The following MCM9 variants were observed in gnomAD, a reference collection of about 807,000 sequenced individuals.
MCM9 encodes the protein DNA helicase MCM9.
A neutral mutation model predicts 72.8 loss-of-function variants in MCM9; 55 were observed. The observed-to-expected ratio is 0.76, with a 90% CI of 0.61 to 0.95. MCM9 has a LOEUF of 0.95. MCM9 is among the 40% of genes least tolerant of loss of function. The pLI is 0.00. For synonymous variants in MCM9, 480 were observed against 503.4 expected (o/e 0.95, Z 0.62); for missense variants, 1,279 against 1,377.0 (o/e 0.93, Z 1.13).
At chr6:118,853,723 C>G (rs547583543) in intron 9 of MCM9, among the ~76,000 whole-genome samples, 1 of 152,150 alleles carries the variant, frequency 6.6e-6, no homozygotes, top group East Asian at 1.9e-4. Flanking sequence ...GGCTTGAGCC[C>G]AGGAGTTCAA....
At chr6:118,886,055 CAAA>C (rs36183265) in intron 8 of MCM9, among the ~76,000 whole-genome samples, 3 of 142,900 alleles carry the variant, frequency 2.1e-5, no homozygotes, top group African/African-American at 2.6e-5. Context: ...AATAAGGGAC[CAAA>C]AAAAAAAAAC....
At chr6:118,919,284 C>T (rs1781238684) in intron 5 of MCM9, 1 of 152,126 alleles carries the variant, frequency 6.6e-6, no homozygotes, top group Non-Finnish European at 1.5e-5. Context: ...GAGTACTGAC[C>T]TCATCAGATT....
At chr6:118,822,868 G>T (rs1487178061) in intron 13 of MCM9, among the ~76,000 whole-genome samples, 1 of 152,192 alleles carries the variant, frequency 6.6e-6, no homozygotes, top group Non-Finnish European at 1.5e-5. Context: ...CCACACTGTG[G>T]TGGATTCCAC....
At chr6:118,905,860 T>G in intron 8 of MCM9, 1 of 1,483,614 alleles carries the variant, frequency 6.7e-7, no homozygotes, top group Non-Finnish European at 9.1e-7. Context: ...TTTAACTACT[T>G]TTACTATGCA....
chr6:118,815,873 C>T lies in MCM9; in HGVS notation c.2383G>A (p.Val795Met). 1 of 1,542,000 alleles carries T rather than the reference C, an allele frequency of 6.5e-7. No individual in the cohort carries two copies. The highest frequency in any genetic ancestry group is 1.4e-5 in the African/African-American group (1 of 73,158). Reference sequence around the variant, plus strand: ...GGTGATGGAAGCAACCCAATGTCCACTTTGCTCCTTTGGCCTGGCTCACTC... The same window carrying T: ...GGTGATGGAAGCAACCCAATGTCCATTTTGCTCCTTTGGCCTGGCTCACTC... ...EKSEPGQRSK[V>M]DIGLLPSPGE... The change falls in exon 14 of 14, where the codon GTG becomes ATG. Residue 795 changes from valine (V) to methionine (M), a missense_variant. Coordinates refer to ENST00000619706, the MANE Select transcript of MCM9 (RefSeq NM_017696.3).
intron 8 of MCM9, among the ~76,000 whole-genome samples, chr6:118,895,955 A>T (rs1227548020): frequency 1.3e-5 from 2 of 152,036 alleles, no homozygotes; most frequent in African/African-American, 4.8e-5. Context: ...TTGTACAGGC[A>T]TATATAAAGT....
At chr6:118,885,766 A>T (rs1254861885) in intron 8 of MCM9, among the ~76,000 whole-genome samples, 1 of 152,234 alleles carries the variant, frequency 6.6e-6, no homozygotes, top group East Asian at 1.9e-4. Context: ...AAATTTTCAC[A>T]AACTCTTCTA....
intron 8 of MCM9, chr6:118,905,858 C>CTAAATGAAAGTACCTCTTT (rs1554261198): frequency 1.2e-5 from 18 of 1,492,602 alleles, no homozygotes; most frequent in Non-Finnish European, 1.6e-5. Flanking sequence ...TTTTTAACTA[C>CTAAATGAAAGTACCTCTTT]TTTTACTATG....
chr6:118,896,507 C>T (rs2114495972), intron 8 of MCM9, among the ~76,000 whole-genome samples: 1 of 152,236 alleles, frequency 6.6e-6, no homozygotes, highest in Middle Eastern at 3.4e-3. Context: ...AAAGCCAAAA[C>T]GTTCCATTTT....
chr6:118,872,116 G>C (rs1429109062), intron 8 of MCM9, among the ~76,000 whole-genome samples: 1 of 152,004 alleles, frequency 6.6e-6, no homozygotes, highest in Admixed American at 6.5e-5. Context: ...AGGAGACTAA[G>C]ACCATCCTGG....
At chr6:118,856,791 G>A (rs1015270710) in intron 8 of MCM9, among the ~76,000 whole-genome samples, 17 of 152,172 alleles carry the variant, frequency 1.1e-4, no homozygotes, top group Admixed American at 6.5e-4. Flanking sequence ...TGAGGCGGGA[G>A]GATCGCTTGA....
At chr6:118,837,386 G>A (rs755595492) in intron 9 of MCM9, among the ~76,000 whole-genome samples, 5 of 152,246 alleles carry the variant, frequency 3.3e-5, no homozygotes, top group East Asian at 3.9e-4. Flanking sequence ...TATTAGGTCC[G>A]CTTGGTCCAG....
chr6:118,815,328 A>G lies in MCM9; in HGVS notation c.2928T>C (p.Ser976=). Residue 976 remains serine (S), a synonymous_variant, in exon 14 of 14, where the codon TCT becomes TCC. Coordinates refer to ENST00000619706, the MANE Select transcript of MCM9 (RefSeq NM_017696.3). ...LPVKRPGKLT[S]TPGNQISSQP... ...GACTGGAGATCTGGTTTCCTGGGGTAGATGTTAACTTTCCTGGACGCTTCA... is the reference window on the plus strand; with the variant it reads ...GACTGGAGATCTGGTTTCCTGGGGTGGATGTTAACTTTCCTGGACGCTTCA... The G allele has an allele frequency of 1.3e-6, 2 of 1,550,436 alleles. No individual in the cohort carries two copies. The highest frequency in any genetic ancestry group is 3.9e-5 in the Admixed American group (2 of 50,968).
At chr6:118,886,096 A>G (rs1310209964) in intron 8 of MCM9, among the ~76,000 whole-genome samples, 1 of 152,090 alleles carries the variant, frequency 6.6e-6, no homozygotes, top group Non-Finnish European at 1.5e-5. Context: ...TCATCTCAAT[A>G]GAAGCAGGAA....
intron 9 of MCM9, among the ~76,000 whole-genome samples, chr6:118,835,417 T>A (rs1228406330): frequency 6.6e-6 from 1 of 152,234 alleles, no homozygotes; most frequent in Admixed American, 6.5e-5. Context: ...GGGGATAGAA[T>A]TGAATCTATA....
intron 3 of MCM9, among the ~76,000 whole-genome samples, chr6:118,929,022 C>T (rs1782152478): frequency 6.6e-6 from 1 of 152,104 alleles, no homozygotes; most frequent in South Asian, 2.1e-4. Flanking sequence ...GAGTTCAAGA[C>T]CAGCCTGAGC....
chr6:118,894,523 G>A (rs1779207589), intron 8 of MCM9: 1 of 1,536,602 alleles, frequency 6.5e-7, no homozygotes, highest in Non-Finnish European at 8.7e-7. Context: ...CTGTCTGAAG[G>A]TGAGTGCGGC....
chr6:118,842,920 C>T (rs1466203501), intron 9 of MCM9, among the ~76,000 whole-genome samples: 2 of 152,004 alleles, frequency 1.3e-5, no homozygotes, highest in East Asian at 1.9e-4. Flanking sequence ...AATTAAATTC[C>T]CAAACTTTAA....
At chr6:118,933,188 C>T (rs1275421972) in intron 1 of MCM9, among the ~76,000 whole-genome samples, 1 of 152,018 alleles carries the variant, frequency 6.6e-6, no homozygotes, top group Non-Finnish European at 1.5e-5. Flanking sequence ...AGTTAGAAAC[C>T]AGCTGTCCAA....
Sources: allele counts gnomAD v4.1 joint callset (sites outside exome capture counted in the v4.1 genomes callset), GRCh38; gene constraint gnomAD v4.1.1; transcripts MANE v1.5; gene names NCBI Gene and HGNC (gene_info 2026-07-23, HGNC 2026-07-21).